RALGAPA1: variants seen among roughly 807,000 people sequenced by gnomAD.
RALGAPA1 encodes the protein ral GTPase-activating protein subunit alpha-1.
A neutral mutation model predicts 269.6 loss-of-function variants in RALGAPA1; 52 were observed. The ratio of observed to expected loss-of-function variants is 0.19; its 90% confidence interval spans 0.15 to 0.24. The LOEUF is 0.24. Among genes scored for constraint, RALGAPA1 ranks in the 10% least tolerant of loss-of-function variants. The pLI is 1.00. For synonymous variants in RALGAPA1, 817 were observed against 1,008.3 expected, an observed-to-expected ratio of 0.81 and a Z score of 3.60; for missense variants, 1,917 against 3,013.9, an observed-to-expected ratio of 0.64 and a Z score of 8.52.
At chr14:35,740,228 T>C (rs919816362) in intron 11 of RALGAPA1, among the ~76,000 whole-genome samples, 1 of 152,220 alleles carries the variant, frequency 6.6e-6, no homozygotes, top group Admixed American at 6.5e-5. Context: ...TATGTTTGTC[T>C]TCCAGCTAAA....
intron 36 of RALGAPA1, among the ~76,000 whole-genome samples, chr14:35,600,209 C>CTT: frequency 7.4e-6 from 1 of 134,924 alleles, no homozygotes; most frequent in African/African-American, 3.0e-5. Flanking sequence ...TTTTCTTTTC[C>CTT]TTTTTTTTCT....
intron 33 of RALGAPA1, among the ~76,000 whole-genome samples, chr14:35,629,386 A>C (rs1006589899): frequency 6.6e-6 from 1 of 152,168 alleles, no homozygotes; most frequent in South Asian, 2.1e-4. Context: ...ATTCTACCAC[A>C]GTAACAGAGT....
intron 31 of RALGAPA1, among the ~76,000 whole-genome samples, chr14:35,638,655 C>A (rs1031177719): frequency 2.0e-5 from 3 of 151,902 alleles, no homozygotes; most frequent in African/African-American, 4.8e-5. Flanking sequence ...CTGGGCACGG[C>A]GGCTCACACC....
In RALGAPA1 at chr14:35,731,348, C is replaced by T. The variant is rs187958925; in HGVS notation, c.1588-2838G>A. ...GGCTCTTTAACACCCCCAAGAATCACATTAGCTCACGAGCAATGGATCCAA... is the reference window on the plus strand; with the variant it reads ...GGCTCTTTAACACCCCCAAGAATCATATTAGCTCACGAGCAATGGATCCAA... On this transcript the variant is annotated intron_variant, in intron 12 of 41. Coordinates refer to ENST00000680220, the MANE Select transcript of RALGAPA1 (RefSeq NM_001346249.2). 5.7e-3 allele frequency among the ~76,000 whole-genome samples: 868 copies of T among 152,210 alleles called. 4 individuals are homozygous for T. Among genetic ancestry groups the T allele is most frequent in the Admixed American group, 0.013 (205 of 15,282 alleles).
chr14:35,744,397 C>T (rs1240635883), intron 10 of RALGAPA1, among the ~76,000 whole-genome samples: 1 of 150,596 alleles, frequency 6.6e-6, no homozygotes, highest in Non-Finnish European at 1.5e-5. Flanking sequence ...AATTAAATTG[C>T]TTTTACTTTT....
chr14:35,663,445 A>C (rs572819351), intron 27 of RALGAPA1, among the ~76,000 whole-genome samples: 206 of 152,044 alleles, frequency 1.4e-3, no homozygotes, highest in African/African-American at 4.0e-3. Flanking sequence ...AAAAAAAAAA[A>C]CACATCTGCT....
In RALGAPA1 at chr14:35,688,831, T is replaced by G; in HGVS notation, c.3580A>C (p.Ser1194Arg). ...CTATTTGTGCTGGTATGGGTGTTGC[T>G]AGTGCTGCTATTGCTGCTACCACTA... ...FSSGSSNSST[S>R]NTHTSTNSAT... Residue 1194 changes from serine (S) to arginine (R), a missense_variant, in exon 18 of 42, where the codon AGC (serine) becomes CGC (arginine). Coordinates refer to ENST00000680220, the MANE Select transcript of RALGAPA1 (RefSeq NM_001346249.2). The G allele has an allele frequency of 7.5e-7, 1 of 1,334,304 alleles. No homozygotes were observed. The allele number at this position is 1,334,304 out of a possible 1,614,324, so 82.7% of individuals were successfully genotyped here.
intron 39 of RALGAPA1, among the ~76,000 whole-genome samples, chr14:35,553,318 G>A (rs2055203010): frequency 6.6e-6 from 1 of 152,152 alleles, no homozygotes; most frequent in Non-Finnish European, 1.5e-5. Context: ...GGCACGTACA[G>A]AGAGGGAATT....
chr14:35,601,952 T>C lies in RALGAPA1; in HGVS notation c.7053+3634A>G, dbSNP rs373880796. The stretch of plus-strand genomic sequence containing the variant: ...TCATTTCCCAAAGAAACCCCATATC[T>C]TTTAGTTGTCACCCCCCTCCTCCCT... On this transcript the variant is annotated intron_variant, in intron 36 of 41. Coordinates refer to ENST00000680220, the MANE Select transcript of RALGAPA1 (RefSeq NM_001346249.2). 6.6e-5 allele frequency among the ~76,000 whole-genome samples: 10 copies of C among 152,228 alleles called. No individual in the cohort carries two copies. In the South Asian group the frequency reaches 1.9e-3, roughly 28 times the overall value.
chr14:35,736,790 CT>C, intron 12 of RALGAPA1, among the ~76,000 whole-genome samples: 1 of 152,238 alleles, frequency 6.6e-6, no homozygotes, highest in East Asian at 1.9e-4. Flanking sequence ...AATCCCAACA[CT>C]TTGGGAGGCT....
chr14:35,674,803 T>C, intron 22 of RALGAPA1, 94 bp from the exon 23 acceptor site: 2 of 593,154 alleles, frequency 3.4e-6, no homozygotes, highest in South Asian at 5.7e-5. Context: ...CTTAAATATC[T>C]ACAGAAATGA....
chr14:35,743,991 C>T (rs536802083), intron 10 of RALGAPA1, among the ~76,000 whole-genome samples: 2 of 152,098 alleles, frequency 1.3e-5, no homozygotes, highest in South Asian at 2.1e-4. Context: ...AGCAAAAATA[C>T]GCTTAATCTC....
Position 35,655,935 on chromosome 14 carries a change from C to T in RALGAPA1, c.5388-20G>A. The T allele has an allele frequency of 6.2e-7, 1 of 1,612,566 alleles. No homozygotes were observed. The highest frequency in any genetic ancestry group is 8.5e-7 in the Non-Finnish European group (1 of 1,179,388). On this transcript the variant is annotated intron_variant, in intron 28 of 41. Coordinates refer to ENST00000680220, the MANE Select transcript of RALGAPA1 (RefSeq NM_001346249.2). ...ACACATCTGCAAAAAAGGCAAACAA[C>T]AACGGTTACATAAAATGAAACCACC...
At chr14:35,691,481 G>A (rs1341026183) in intron 17 of RALGAPA1, among the ~76,000 whole-genome samples, 1 of 152,128 alleles carries the variant, frequency 6.6e-6, no homozygotes, top group African/African-American at 2.4e-5. Flanking sequence ...AAAGTTAAAT[G>A]CAACAGAACT....
intron 35 of RALGAPA1, 79 bp downstream of exon 35, chr14:35,625,281 TA>T: frequency 1.0e-6 from 1 of 971,638 alleles, no homozygotes; most frequent in Non-Finnish European, 1.6e-6. Context: ...ATATACTATT[TA>T]AAATATTATT....
chr14:35,758,064 A>G (rs1010640317), intron 6 of RALGAPA1, among the ~76,000 whole-genome samples: 1 of 152,106 alleles, frequency 6.6e-6, no homozygotes, highest in African/African-American at 2.4e-5. Flanking sequence ...GCCTTGGCCA[A>G]CATGGTAAAA....
At chr14:35,671,301 T>C in intron 26 of RALGAPA1, 88 bp downstream of exon 26, 5 of 1,245,720 alleles carry the variant, frequency 4.0e-6, no homozygotes, top group Non-Finnish European at 1.1e-6. Flanking sequence ...CAAAATTTCC[T>C]GATTATCAGC....
At chr14:35,554,033 G>A (rs932987164) in intron 39 of RALGAPA1, among the ~76,000 whole-genome samples, 36 of 152,134 alleles carry the variant, frequency 2.4e-4, no homozygotes, top group Non-Finnish European at 4.4e-4. Context: ...GTAAGCACAG[G>A]AAGAGGGAGT....
chr14:35,746,274 G>A (rs1248782349), intron 10 of RALGAPA1, among the ~76,000 whole-genome samples: 1 of 152,164 alleles, frequency 6.6e-6, no homozygotes, highest in Non-Finnish European at 1.5e-5. Flanking sequence ...AATGGGAGAT[G>A]CTGATCAAAA....
Sources: gnomAD v4.1 joint callset for allele counts (sites outside exome capture counted in the v4.1 genomes callset) on GRCh38, gnomAD v4.1.1 for gene constraint, MANE v1.5 for transcripts, NCBI Gene and HGNC (gene_info 2026-07-23, HGNC 2026-07-21) for gene names.